Variants in CNTLN observed in about 807,000 individuals in gnomAD.
The protein encoded by CNTLN is centlein, also known as centlein, centrosomal protein.
In CNTLN, 212 loss-of-function variants were observed where a neutral mutation model predicts 180.0. That is an observed-to-expected ratio of 1.18 (90% confidence interval 1.05 to 1.32). The LOEUF is 1.32. CNTLN is among the 40% of genes most tolerant of loss of function. The pLI is 0.00. For synonymous variants in CNTLN, 722 were observed against 563.1 expected (o/e 1.28, Z -3.99); for missense variants, 2,095 against 1,610.9 (o/e 1.30, Z -5.14).
At chr9:17,252,791 T>C (rs1826228058) in intron 5 of CNTLN, among the ~76,000 whole-genome samples, 1 of 151,858 alleles carries the variant, frequency 6.6e-6, no homozygotes, top group African/African-American at 2.4e-5. Flanking sequence ...TTCTCTATTT[T>C]TATTTTTGTT....
chr9:17,325,264 T>C (rs899865846), intron 8 of CNTLN, among the ~76,000 whole-genome samples: 1 of 141,988 alleles, frequency 7.0e-6, no homozygotes, highest in Non-Finnish European at 1.6e-5. Context: ...CAATGTTTAC[T>C]TTATTAATTG....
intron 4 of CNTLN, 113 bp from the exon 5 acceptor site, chr9:17,236,296 C>T: frequency 1.2e-6 from 1 of 850,886 alleles, no homozygotes; most frequent in Non-Finnish European, 1.7e-6. Flanking sequence ...ATAGAAGAAG[C>T]TTCTGTGAGG....
rs576492174 is a variant in CNTLN, at chr9:17,190,870, C to T, written c.450-35333C>T. Among the ~76,000 whole-genome samples the T allele has an allele frequency of 1.8e-4, 28 of 152,278 alleles. No individual in the cohort carries two copies. The South Asian group carries it at 1.9e-3, about 10-fold the overall frequency. On this transcript the variant is annotated intron_variant, in intron 2 of 25. Transcript: ENST00000380647. ...TTGAAAGACTTTTTGGTAAAGACCT[C>T]TGTTACCATAAATGTTGCAATTAGT... is the stretch of plus-strand genomic sequence containing the variant.
At chr9:17,341,311 A>G (rs752775203) in intron 11 of CNTLN, among the ~76,000 whole-genome samples, 8 of 152,240 alleles carry the variant, frequency 5.3e-5, no homozygotes, top group South Asian at 4.1e-4. Context: ...TAAAATGTTT[A>G]TAACTCCAAA....
intron 5 of CNTLN, among the ~76,000 whole-genome samples, chr9:17,272,964 G>T (rs1828053257): frequency 6.6e-6 from 1 of 151,430 alleles, no homozygotes. Flanking sequence ...ATAAACCTTT[G>T]TTATTTATCT....
chr9:17,521,265 A>AAGAG, the CNTLN span, among the ~76,000 whole-genome samples: 4,670 of 118,522 alleles, frequency 0.039, 154 homozygotes, highest in African/African-American at 0.087. Context: ...AAGGGAGAAA[A>AAGAG]AGAGAGAGAG....
At position 17,359,652 on chromosome 9, in the gene CNTLN, C is replaced by T. The variant is rs572691869; in HGVS notation, c.1887-6965C>T. Among the ~76,000 whole-genome samples, 51 of 143,330 alleles carry T rather than the reference C, an allele frequency of 3.6e-4. No homozygotes were observed. In the East Asian group the frequency reaches 0.01, roughly 29 times the overall value. 94.0% of individuals were successfully genotyped at this position (143,330 alleles called of 152,430 possible). ...ATCCCAGCACTTTGGGAGGCCGAGTCGGGTGGATCACGAGGTCCGGAGATC... is the reference window on the plus strand; with the variant it reads ...ATCCCAGCACTTTGGGAGGCCGAGTTGGGTGGATCACGAGGTCCGGAGATC... On this transcript the variant is annotated intron_variant, in intron 12 of 25. Coordinates refer to ENST00000380647, the MANE Select transcript of CNTLN (RefSeq NM_017738.4).
intron 18 of CNTLN, among the ~76,000 whole-genome samples, chr9:17,430,394 C>A (rs751567947): frequency 6.6e-6 from 1 of 151,922 alleles, no homozygotes; most frequent in Non-Finnish European, 1.5e-5. Context: ...TTCTGTCACA[C>A]CCCTTATTTA....
chr9:17,397,076 T>C (rs1023443883), intron 15 of CNTLN, among the ~76,000 whole-genome samples: 1 of 152,178 alleles, frequency 6.6e-6, no homozygotes, highest in Non-Finnish European at 1.5e-5. Context: ...ACCACACTAT[T>C]CAAAATAAAG....
intron 8 of CNTLN, among the ~76,000 whole-genome samples, chr9:17,324,050 A>G (rs1820102068): frequency 6.6e-6 from 1 of 152,210 alleles, no homozygotes; most frequent in Non-Finnish European, 1.5e-5. Flanking sequence ...ACTTTAGTGA[A>G]TTCGAGTATG....
At chr9:17,511,800 T>C in the CNTLN span, among the ~76,000 whole-genome samples, 1 of 152,170 alleles carries the variant, frequency 6.6e-6, no homozygotes, top group Non-Finnish European at 1.5e-5. Context: ...TTTGGTGCTC[T>C]AGATAAAGGG....
At chr9:17,301,070 A>T in intron 7 of CNTLN, 2 of 985,420 alleles carry the variant, frequency 2.0e-6, no homozygotes, top group Non-Finnish European at 2.4e-6. Flanking sequence ...AAGACTAAGG[A>T]TAAAGAAAGC....
intron 13 of CNTLN, among the ~76,000 whole-genome samples, chr9:17,378,735 T>G (rs528648901): frequency 2.0e-5 from 3 of 152,246 alleles, no homozygotes; most frequent in Admixed American, 2.0e-4. Flanking sequence ...AACTACAGAG[T>G]GTTTTCTATT....
chr9:17,260,054 T>A (rs1282140674), intron 5 of CNTLN, among the ~76,000 whole-genome samples: 4 of 144,462 alleles, frequency 2.8e-5, no homozygotes, highest in Admixed American at 2.7e-4. Flanking sequence ...TCTAGTTCTT[T>A]TAATTGTGAT....
intron 5 of CNTLN, among the ~76,000 whole-genome samples, chr9:17,270,161 A>G (rs1827827909): frequency 6.6e-6 from 1 of 152,060 alleles, no homozygotes; most frequent in South Asian, 2.1e-4. Context: ...TATATTACCT[A>G]AAATCCCCAG....
intron 5 of CNTLN, among the ~76,000 whole-genome samples, chr9:17,271,506 T>C (rs992623514): frequency 1.8e-4 from 28 of 152,214 alleles, no homozygotes; most frequent in African/African-American, 6.0e-4. Context: ...TGTTCTAGAT[T>C]TGTATACTTA....
At chr9:17,478,300 A>G (rs1185905073) in intron 23 of CNTLN, among the ~76,000 whole-genome samples, 3 of 152,208 alleles carry the variant, frequency 2.0e-5, no homozygotes, top group African/African-American at 7.2e-5. Context: ...GTATGCCTGT[A>G]TTTTGGCTAT....
At chr9:17,232,852 G>A (rs1021654021) in intron 3 of CNTLN, among the ~76,000 whole-genome samples, 8 of 152,122 alleles carry the variant, frequency 5.3e-5, no homozygotes, top group African/African-American at 1.2e-4. Flanking sequence ...GGTGGAAGTC[G>A]AGTCTTAAAG....
At chr9:17,293,900 C>T (rs970342466) in intron 6 of CNTLN, among the ~76,000 whole-genome samples, 4 of 152,026 alleles carry the variant, frequency 2.6e-5, no homozygotes, top group Admixed American at 6.5e-5. Context: ...GTGGGTAGCA[C>T]GGATCCGTGG....
Sources: allele counts gnomAD v4.1 joint callset (sites outside exome capture counted in the v4.1 genomes callset), GRCh38; gene constraint gnomAD v4.1.1; transcripts MANE v1.5; gene names NCBI Gene and HGNC (gene_info 2026-07-23, HGNC 2026-07-21).